The following WDR73 variants were observed in gnomAD, a reference collection of about 807,000 sequenced individuals.
WDR73 encodes the protein WD repeat domain 73.
In WDR73, 30 loss-of-function variants were observed where a neutral mutation model predicts 38.2. The observed-to-expected ratio is 0.79, with a 90% CI of 0.59 to 1.06. The LOEUF (loss-of-function observed/expected upper bound fraction) is 1.06, where lower values mean the gene tolerates loss of function less well. Among genes scored for constraint, WDR73 ranks in the 50% least tolerant of loss-of-function variants. The pLI, the probability that WDR73 is intolerant of heterozygous loss-of-function variation, is 0.00. For missense variants in WDR73, 487 were observed against 467.0 expected (o/e 1.04, Z -0.40); for synonymous variants, 197 against 176.0 (o/e 1.12, Z -0.94).
intron 3 of WDR73, among the ~76,000 whole-genome samples, chr15:84,652,139 T>G (rs1382643035): frequency 6.6e-6 from 1 of 152,234 alleles, no homozygotes; most frequent in Non-Finnish European, 1.5e-5. Context: ...GTGCTGGGAT[T>G]ACAGGCGTAA....
intron 3 of WDR73, 70 bp from the exon 4 acceptor site, chr15:84,648,695 G>A: frequency 8.0e-7 from 1 of 1,256,756 alleles, no homozygotes; most frequent in African/African-American, 1.5e-5. Flanking sequence ...CTCTAAGTGA[G>A]GAGTCAGGTC....
rs758913043 is a variant in WDR73, at chr15:84,643,673, G to A, written c.934C>T (p.Arg312Trp). Residue 312 changes from arginine to tryptophan, a missense_variant, in exon 8 of 8, where the codon CGG becomes TGG. Arg to Trp is a moderately radical substitution (Grantham distance 101). Coordinates refer to ENST00000434634, the MANE Select transcript of WDR73 (RefSeq NM_032856.5). ...VYDATSWDGT[R>W]SQDGTRSQVE... is the part of the protein sequence containing the mutation. ...TGGCTCCGTGTTCCATCTTGGCTCCGTGTTCCATCCCAAGATGTGGCATCA... is the reference window on the plus strand; with the variant it reads ...TGGCTCCGTGTTCCATCTTGGCTCCATGTTCCATCCCAAGATGTGGCATCA... 2.0e-4 allele frequency: 282 copies of A among 1,398,292 alleles called. No homozygotes were observed. The highest frequency in any genetic ancestry group is 4.7e-4 in the Admixed American group (27 of 57,196). 86.6% of individuals were successfully genotyped at this position (1,398,292 alleles called of 1,614,324 possible).
chr15:84,652,166 T>C (rs1278718075), intron 3 of WDR73, among the ~76,000 whole-genome samples: 2 of 152,196 alleles, frequency 1.3e-5, no homozygotes, highest in East Asian at 3.8e-4. Context: ...GCACCTGGCC[T>C]TCAATTCTTC....
intron 3 of WDR73, among the ~76,000 whole-genome samples, chr15:84,650,808 T>C (rs1896599554): frequency 6.7e-6 from 1 of 149,336 alleles, no homozygotes. Flanking sequence ...GATTGTTTCC[T>C]ATTTCATTAA....
intron 3 of WDR73, among the ~76,000 whole-genome samples, chr15:84,649,418 C>T (rs938804988): frequency 1.3e-5 from 2 of 151,630 alleles, no homozygotes; most frequent in East Asian, 3.9e-4. Context: ...AGGTGCTACC[C>T]TATAGCTTCT....
Position 84,648,573 on chromosome 15 carries a change from C to A in WDR73, c.251G>T (p.Arg84Met), listed in dbSNP as rs1896533798. 1.2e-5 allele frequency: 19 copies of A among 1,613,924 alleles called. No homozygotes were observed. The highest frequency in any genetic ancestry group is 1.6e-5 in the Non-Finnish European group (19 of 1,179,830). Reference sequence around the variant, plus strand: ...CACATGCTTTAGATCAAAGATAGACCTGTCTGAAAATCCTCCATGGCGCAC... The same window carrying A: ...CACATGCTTTAGATCAAAGATAGACATGTCTGAAAATCCTCCATGGCGCAC... The part of the protein sequence containing the change: ...FKVRHGGFSD[R>M]SIFDLKHVPH... The change falls in exon 4 of 8, where the codon AGG (arginine) becomes ATG (methionine). Residue 84 changes from arginine (R) to methionine (M), a missense_variant. Arg to Met is a moderately conservative substitution (Grantham distance 91). Coordinates refer to ENST00000434634, the MANE Select transcript of WDR73 (RefSeq NM_032856.5).
Position 84,645,471 on chromosome 15 carries a change from C to G in WDR73, c.883G>C (p.Gly295Arg). 6.2e-7 allele frequency: 1 copy of G among 1,611,944 alleles called. No individual in the cohort carries two copies. The highest frequency in any genetic ancestry group is 8.5e-7 in the Non-Finnish European group (1 of 1,178,818). ...PGLKNCLAIS[G>R]FDGTVQVYDA... ...AAGACGAAATCCTGCTCGGCAGTAC[C>G]TGAGATGGCCAAGCAATTCTTCAGG... Residue 295 changes from glycine (G) to arginine (R), a missense_variant and splice_region_variant, in exon 7 of 8, where the codon GGT (glycine) becomes CGT (arginine). Coordinates refer to ENST00000434634, the MANE Select transcript of WDR73 (RefSeq NM_032856.5).
At chr15:84,653,069 C>T in intron 2 of WDR73, 1 of 333,224 alleles carries the variant, frequency 3.0e-6, no homozygotes, top group Non-Finnish European at 5.5e-6. Context: ...TAGGCGTGAG[C>T]CACCATGCTC....
chr15:84,647,796 G>C (rs901980918), intron 5 of WDR73, 94 bp downstream of exon 5: 2 of 1,241,980 alleles, frequency 1.6e-6, no homozygotes, highest in South Asian at 1.2e-5. Flanking sequence ...TCCCCAGCCT[G>C]AGTCTCCTTC....
Position 84,645,740 on chromosome 15 carries a change from G to T in WDR73, c.614C>A (p.Thr205Asn). 6.2e-7 allele frequency: 1 copy of T among 1,611,120 alleles called. No homozygotes were observed. Among genetic ancestry groups the T allele is most frequent in the East Asian group, 2.2e-5 (1 of 44,750 alleles). Residue 205 changes from threonine (T) to asparagine (N), a missense_variant, in exon 7 of 8, where the codon ACC becomes AAC. By Grantham distance (65) the Thr-to-Asn change is moderately conservative. Transcript: ENST00000434634. Reference protein sequence around the residue: ...CASGRLGLVDTRQKWAPLENR... With the variant: ...CASGRLGLVDNRQKWAPLENR... ...CTCCAACGGTGCCCACTTCTGCCGG[G>T]TGTCAACAAGCCCCAGCCGGCCTGA...
At position 84,643,661 on chromosome 15, in the gene WDR73, CATCTT is replaced by C; in HGVS notation, c.941_945del (p.Gln314ArgfsTer48). The C allele has an allele frequency of 9.4e-7, 1 of 1,068,464 alleles. No individual in the cohort carries two copies. The allele number at this position is 1,068,464 out of a possible 1,614,324, so 66.2% of individuals were successfully genotyped here. On this transcript the variant is annotated frameshift_variant, in exon 8 of 8. Transcript: ENST00000434634. LOFTEE classifies it high-confidence loss of function. ...AGAGGTTCTACTTGGCTCCGTGTTC[CATCTT>C]GGCTCCGTGTTCCATCCCAAGATGT...
intron 3 of WDR73, among the ~76,000 whole-genome samples, chr15:84,648,940 A>C (rs947563773): frequency 3.6e-4 from 55 of 152,220 alleles, no homozygotes; most frequent in Non-Finnish European, 8.8e-5. Context: ...AGAGCAATGA[A>C]CACATCCCCA....
In WDR73 at chr15:84,641,604, C is replaced by T. The variant is rs1896258519; in HGVS notation, c.*1866G>A. The T allele has an allele frequency of 6.6e-6, 1 of 152,194 alleles. No homozygotes were observed. Among genetic ancestry groups the T allele is most frequent in the Admixed American group, 6.5e-5 (1 of 15,284 alleles). 9.4% of individuals were successfully genotyped at this position (152,194 alleles called of 1,614,324 possible). ...TCTCGGTTCACTGCAGCCTCTACCT[C>T]TCAGGTTCAAGCAATTCTCCTGCCT... On this transcript the variant is annotated 3_prime_UTR_variant, in exon 8 of 8. Transcript: ENST00000434634.
At chr15:84,648,720 G>A in intron 3 of WDR73, 95 bp from the exon 4 acceptor site, 1 of 969,390 alleles carries the variant, frequency 1.0e-6, no homozygotes, top group Non-Finnish European at 1.6e-6. Context: ...CCTGGCAGGA[G>A]GCCATGGAAG....
In WDR73 at chr15:84,647,884, A is replaced by G. The variant is rs747260694; in HGVS notation, c.352+6T>C. On this transcript the variant is annotated splice_donor_region_variant and intron_variant, in intron 5 of 7. Transcript: ENST00000434634. ...CCCCAAACCCCATCAAGTCAAATTC[A>G]CTCACCACTGTCCTCTGCAACCTGC... is the stretch of plus-strand genomic sequence containing the variant. 14 of 1,613,768 alleles carry G rather than the reference A, an allele frequency of 8.7e-6. No individual in the cohort carries two copies. The highest frequency in any genetic ancestry group is 1.1e-5 in the South Asian group (1 of 91,056).
intron 3 of WDR73, among the ~76,000 whole-genome samples, chr15:84,651,149 G>A (rs1896611920): frequency 6.6e-6 from 1 of 151,542 alleles, no homozygotes. Context: ...TTGGGGCCAG[G>A]AGTGATGGCT....
At chr15:84,650,841 A>T (rs912643675) in intron 3 of WDR73, among the ~76,000 whole-genome samples, 2 of 152,162 alleles carry the variant, frequency 1.3e-5, no homozygotes, top group Admixed American at 1.3e-4. Flanking sequence ...AAAACAAAAT[A>T]AAAAAGGCCA....
chr15:84,652,403 C>T (rs1283475165), intron 3 of WDR73, among the ~76,000 whole-genome samples: 1 of 152,134 alleles, frequency 6.6e-6, no homozygotes, highest in Non-Finnish European at 1.5e-5. Flanking sequence ...TCCTTATATA[C>T]CACACATTCA....
At chr15:84,647,859 C>T in intron 5 of WDR73, 31 bp downstream of exon 5, 5 of 1,611,586 alleles carry the variant, frequency 3.1e-6, no homozygotes, top group African/African-American at 1.3e-5. Flanking sequence ...TTTCCTAGAA[C>T]CCCAAACCCC....
Sources: allele counts gnomAD v4.1 joint callset (sites outside exome capture counted in the v4.1 genomes callset), GRCh38; gene constraint gnomAD v4.1.1; transcripts MANE v1.5; gene names NCBI Gene and HGNC (gene_info 2026-07-23, HGNC 2026-07-21).